PTPRN2: variants seen among roughly 807,000 people sequenced by gnomAD.
PTPRN2 encodes protein tyrosine phosphatase receptor type N2, also known as receptor-type tyrosine-protein phosphatase N2.
In PTPRN2, 74 loss-of-function variants were observed where a neutral mutation model predicts 118.8. The observed-to-expected ratio is 0.62, with a 90% confidence interval of 0.52 to 0.76. The LOEUF (loss-of-function observed/expected upper bound fraction) is 0.76, where lower values mean the gene tolerates loss of function less well. Ranked by LOEUF, PTPRN2 falls within the 30% of genes least tolerant of loss-of-function variation. The pLI is 0.00. For synonymous variants in PTPRN2, 641 were observed against 608.0 expected, an observed-to-expected ratio of 1.05 and a Z score of -0.80; for missense variants, 1,481 against 1,394.4, an observed-to-expected ratio of 1.06 and a Z score of -0.99.
rs558240563 is a variant in PTPRN2, at chr7:157,731,468, C to A, written c.1789-48531G>T. Among the ~76,000 whole-genome samples the A allele has an allele frequency of 2.4e-4, 37 of 151,744 alleles. No homozygotes were observed. The South Asian group carries it at 6.7e-3, about 28-fold the overall frequency. ...GCCTGTGTTACTCTTCCTTCCCACG[C>A]GCCCAGCACAGTTACCCTTTCCCGT... is the stretch of plus-strand genomic sequence containing the variant. On this transcript the variant is annotated intron_variant, in intron 12 of 22. Transcript: ENST00000389418.
In PTPRN2 at chr7:158,053,721, CAGAGATGCAGAGACCCT is replaced by C. The variant is rs1458947321; in HGVS notation, c.1723+27560_1723+27576del. Among the ~76,000 whole-genome samples the C allele has an allele frequency of 1.1e-4, 16 of 148,906 alleles. 1 individual carries two copies. Among genetic ancestry groups the C allele is most frequent in the African/African-American group, 3.6e-4 (14 of 39,098 alleles). ...AGAGACCCCAGAGATGCAGAGACCCCAGAGATGCAGAGACCCTAGAGATGCAGAGACTCCAGAGACGC... is the reference window on the plus strand; with the variant it reads ...AGAGACCCCAGAGATGCAGAGACCCCAGAGATGCAGAGACTCCAGAGACGC... On this transcript the variant is annotated intron_variant, in intron 11 of 22. Coordinates refer to ENST00000389418, the MANE Select transcript of PTPRN2 (RefSeq NM_002847.5).
chr7:157,654,392 T>C (rs1477103021), intron 14 of PTPRN2, among the ~76,000 whole-genome samples: 1 of 151,948 alleles, frequency 6.6e-6, no homozygotes, highest in Admixed American at 6.5e-5. Flanking sequence ...CAGGGAAATA[T>C]CTCAGTAACA....
chr7:157,704,105 C>T (rs1046739637), intron 12 of PTPRN2, among the ~76,000 whole-genome samples: 7 of 152,274 alleles, frequency 4.6e-5, no homozygotes, highest in East Asian at 1.9e-4. Flanking sequence ...TCTACTCACA[C>T]GATTGGGTGC....
intron 12 of PTPRN2, among the ~76,000 whole-genome samples, chr7:157,832,008 G>T (rs73746648): frequency 0.013 from 2,038 of 152,288 alleles, 36 homozygotes; most frequent in African/African-American, 0.046. Flanking sequence ...ATGGCCCTGA[G>T]GGGTCCTCCC....
rs750695138 is a variant in PTPRN2 at position 157,615,662 on chromosome 7, C to T, written c.2344+5700G>A. On this transcript the variant is annotated intron_variant, in intron 15 of 22. Transcript: ENST00000389418. The surrounding 1 kb of genome is among the most constrained non-coding windows in gnomAD (Gnocchi z 4.3). ...TGTGTTTTTATCAATGACTTGACGA[C>T]GTGAAAAACATGTTTATAAAACGAG... is the stretch of plus-strand genomic sequence containing the variant. 13 of 460,862 alleles carry T rather than the reference C, an allele frequency of 2.8e-5. No homozygotes were observed. Among genetic ancestry groups the T allele is most frequent in the South Asian group, 1.2e-4 (8 of 64,288 alleles). 28.5% of individuals were successfully genotyped at this position (460,862 alleles called of 1,614,324 possible).
intron 3 of PTPRN2, among the ~76,000 whole-genome samples, chr7:158,307,850 T>C (rs1223907771): frequency 1.3e-5 from 2 of 152,222 alleles, no homozygotes; most frequent in East Asian, 3.9e-4. Flanking sequence ...AATTAATGAA[T>C]TAATTCATGT....
chr7:158,568,011 G>A (rs1348683087), intron 1 of PTPRN2, among the ~76,000 whole-genome samples: 1 of 152,184 alleles, frequency 6.6e-6, no homozygotes, highest in Non-Finnish European at 1.5e-5. Context: ...CCAACACTTT[G>A]GGAGGCTGAT....
intron 22 of PTPRN2, among the ~76,000 whole-genome samples, chr7:157,545,347 G>C (rs1798255644): frequency 6.6e-6 from 1 of 150,848 alleles, no homozygotes; most frequent in South Asian, 2.1e-4. Flanking sequence ...GGGTGTGCCT[G>C]GGTGTGTGCA....
At chr7:158,472,419 G>T (rs559767149) in intron 2 of PTPRN2, among the ~76,000 whole-genome samples, 1 of 152,134 alleles carries the variant, frequency 6.6e-6, no homozygotes, top group Admixed American at 6.5e-5. Flanking sequence ...TGTCAGTGAC[G>T]GTGCAGAAAT....
In PTPRN2 at chr7:157,748,195, C is replaced by T. The variant is rs562817250; in HGVS notation, c.1789-65258G>A. ...TCTGGGAGATTCTGAGGCCTGCGTCCCTGAGCTGTGAGCTGTTGAGGTAAT... is the reference window on the plus strand; with the variant it reads ...TCTGGGAGATTCTGAGGCCTGCGTCTCTGAGCTGTGAGCTGTTGAGGTAAT... On this transcript the variant is annotated intron_variant, in intron 12 of 22. Transcript: ENST00000389418. 1.7e-3 allele frequency among the ~76,000 whole-genome samples: 253 copies of T among 146,086 alleles called. 2 individuals are homozygous for T. The highest frequency in any genetic ancestry group is 2.1e-3 in the Non-Finnish European group (139 of 66,696).
intron 17 of PTPRN2, among the ~76,000 whole-genome samples, chr7:157,593,465 A>G (rs967239519): frequency 2.6e-5 from 4 of 152,230 alleles, no homozygotes; most frequent in African/African-American, 9.6e-5. Context: ...GAAAGAACAC[A>G]TATTTGGGGG....
intron 11 of PTPRN2, among the ~76,000 whole-genome samples, chr7:157,957,414 T>C (rs2128806919): frequency 6.6e-6 from 1 of 152,242 alleles, no homozygotes; most frequent in Middle Eastern, 3.4e-3. Context: ...AGCATATCCA[T>C]GGAATCAAAA....
intron 11 of PTPRN2, among the ~76,000 whole-genome samples, chr7:158,077,208 G>A (rs904465615): frequency 6.6e-6 from 1 of 152,134 alleles, no homozygotes; most frequent in Non-Finnish European, 1.5e-5. Context: ...CAAGAGAGGA[G>A]GGGAGCCTCT....
chr7:158,286,535 T>C (rs1257063037), intron 3 of PTPRN2, among the ~76,000 whole-genome samples: 11 of 152,246 alleles, frequency 7.2e-5, no homozygotes, highest in Non-Finnish European at 1.2e-4. Context: ...TTCTACAGTA[T>C]ATCTAATTTA....
chr7:158,570,015 G>T lies in PTPRN2; in HGVS notation c.112+17543C>A, dbSNP rs1457742968. Among the ~76,000 whole-genome samples the T allele has an allele frequency of 1.3e-5, 2 of 152,296 alleles. No individual in the cohort carries two copies. Among genetic ancestry groups the T allele is most frequent in the Admixed American group, 1.3e-4 (2 of 15,308 alleles). ...GGGGAGCCCAGAGCCCACGCGCCAA[G>T]GCCGCCAGGCCTTTCCTCCCTCGCG... On this transcript the variant is annotated intron_variant, in intron 1 of 22. Transcript: ENST00000389418. This position sits in a 1 kb window ranked among gnomAD's most constrained non-coding sequence, Gnocchi z 4.5.
rs1322976458 is a variant in PTPRN2 at position 157,881,532 on chromosome 7, G to T, written c.1788+17141C>A. On this transcript the variant is annotated intron_variant, in intron 12 of 22. Coordinates refer to ENST00000389418, the MANE Select transcript of PTPRN2 (RefSeq NM_002847.5). This position sits in a 1 kb window ranked among gnomAD's most constrained non-coding sequence, Gnocchi z 4.7. Reference sequence around the variant, plus strand: ...GCCCCCCACTCTGCAGTATTCTGTTGTGGCAGCCAGAGAGGACGCACATGG... The same window carrying T: ...GCCCCCCACTCTGCAGTATTCTGTTTTGGCAGCCAGAGAGGACGCACATGG... Among the ~76,000 whole-genome samples the T allele has an allele frequency of 6.6e-6, 1 of 152,082 alleles. No homozygotes were observed. Among genetic ancestry groups the T allele is most frequent in the South Asian group, 2.1e-4 (1 of 4,826 alleles).
At chr7:157,935,717 T>C (rs1799655626) in intron 11 of PTPRN2, among the ~76,000 whole-genome samples, 1 of 152,240 alleles carries the variant, frequency 6.6e-6, no homozygotes, top group Admixed American at 6.5e-5. Context: ...CACAGGAACC[T>C]GGTGACAGTC....
intron 2 of PTPRN2, among the ~76,000 whole-genome samples, chr7:158,365,684 C>T (rs370476319): frequency 4.0e-5 from 6 of 149,544 alleles, no homozygotes; most frequent in East Asian, 2.0e-4. Context: ...CTGGGAGAAG[C>T]CGCAGCCCAA....
intron 1 of PTPRN2, among the ~76,000 whole-genome samples, chr7:158,519,224 AG>A (rs1247427184): frequency 2.0e-5 from 3 of 152,200 alleles, no homozygotes; most frequent in Non-Finnish European, 4.4e-5. Context: ...AAGTGGGAAG[AG>A]GGAGAAAACA....
Sources: gnomAD v4.1 joint callset for allele counts (sites outside exome capture counted in the v4.1 genomes callset) on GRCh38, gnomAD v4.1.1 for gene constraint, Gnocchi (gnomAD v3.1) non-coding constraint, MANE v1.5 for transcripts, NCBI Gene and HGNC (gene_info 2026-07-23, HGNC 2026-07-21) for gene names.